DMXL1: variants seen among roughly 807,000 people sequenced by gnomAD.
DMXL1 encodes the protein dmX-like protein 1.
In DMXL1, 99 loss-of-function variants were observed where a neutral mutation model predicts 319.2. The observed-to-expected ratio is 0.31, with a 90% CI of 0.26 to 0.37. DMXL1 has a LOEUF of 0.37. Among genes scored for constraint, DMXL1 ranks in the 10% least tolerant of loss-of-function variants. DMXL1 has a pLI of 1.00. For synonymous variants in DMXL1, 1,385 were observed against 1,235.2 expected, an observed-to-expected ratio of 1.12 and a Z score of -2.54; for missense variants, 3,745 against 3,595.6, an observed-to-expected ratio of 1.04 and a Z score of -1.06.
chr5:119,110,383 G>A, intron 5 of DMXL1, 100 bp downstream of exon 5: 1 of 1,122,772 alleles, frequency 8.9e-7, no homozygotes, highest in South Asian at 2.1e-5. Context: ...GACATAAAAA[G>A]TATTGATTTT....
At chr5:119,077,855 A>G (rs992097671) in intron 1 of DMXL1, among the ~76,000 whole-genome samples, 2 of 133,842 alleles carry the variant, frequency 1.5e-5, no homozygotes, top group East Asian at 4.8e-4. Flanking sequence ...GTGTGTGTAT[A>G]TATACGTGTG....
intron 19 of DMXL1, among the ~76,000 whole-genome samples, chr5:119,162,983 T>C (rs1253763199): frequency 1.3e-5 from 2 of 152,190 alleles, no homozygotes; most frequent in Admixed American, 6.5e-5. Context: ...CTATAATTAA[T>C]CATTTACTTT....
At chr5:119,085,633 A>G (rs886252910) in intron 1 of DMXL1, among the ~76,000 whole-genome samples, 6 of 152,168 alleles carry the variant, frequency 3.9e-5, no homozygotes, top group Non-Finnish European at 8.8e-5. Flanking sequence ...ATCATTTGTG[A>G]ACAAGGCTAA....
intron 3 of DMXL1, chr5:119,104,160 T>G (rs558460168): frequency 3.3e-5 from 5 of 152,334 alleles, no homozygotes. Context: ...TCATGAGAGT[T>G]GCACATCACA....
intron 32 of DMXL1, among the ~76,000 whole-genome samples, chr5:119,202,722 G>T (rs992691860): frequency 6.6e-6 from 1 of 151,280 alleles, no homozygotes; most frequent in African/African-American, 2.4e-5. Context: ...ATGGTGGCAG[G>T]TGCCTGTAAT....
At chr5:119,167,525 G>A in intron 22 of DMXL1, 78 bp from the exon 23 acceptor site, 1 of 1,180,838 alleles carries the variant, frequency 8.5e-7, no homozygotes, top group South Asian at 1.5e-5. Flanking sequence ...TATTTTTCTA[G>A]TTATTAGTGA....
In DMXL1 at chr5:119,133,648, T is replaced by C. The variant is rs1765402932; in HGVS notation, c.1724T>C (p.Met575Thr). The change falls in exon 12 of 44, where the codon ATG (methionine) becomes ACG (threonine). Residue 575 changes from methionine (M) to threonine (T), a missense_variant. This residue lies in a region of DMXL1 where 2,096 missense variants were observed against 1,985.4 expected (regional missense o/e 1.06). Coordinates refer to ENST00000539542, the MANE Select transcript of DMXL1 (RefSeq NM_001290321.3). ...KPSGLTRSTS[M>T]LISSGHNKSS... ...TCTGGCCTCACCCGTTCCACATCAA[T>C]GCTTATTTCTTCTGGTCACAATAAA... The C allele has an allele frequency of 1.2e-6, 2 of 1,614,214 alleles. No homozygotes were observed. The highest frequency in any genetic ancestry group is 1.7e-6 in the Non-Finnish European group (2 of 1,180,022).
chr5:119,156,362 G>A (rs964843275), intron 19 of DMXL1, among the ~76,000 whole-genome samples: 3 of 152,216 alleles, frequency 2.0e-5, no homozygotes, highest in South Asian at 2.1e-4. Context: ...ACCATAGCTT[G>A]TATATGCACT....
chr5:119,087,202 A>G (rs1753572136), intron 1 of DMXL1, among the ~76,000 whole-genome samples: 1 of 150,640 alleles, frequency 6.6e-6, no homozygotes, highest in Admixed American at 6.6e-5. Flanking sequence ...TTCTTCATAC[A>G]AATTTGGGTT....
At chr5:119,098,164 C>A in intron 2 of DMXL1, 60 bp downstream of exon 2, 1 of 1,529,634 alleles carries the variant, frequency 6.5e-7, no homozygotes, top group South Asian at 1.2e-5. Context: ...TCAGGATAAT[C>A]TCTGAAGTGT....
intron 31 of DMXL1, 97 bp downstream of exon 31, chr5:119,196,553 A>G (rs373681571): frequency 4.9e-6 from 4 of 815,086 alleles, no homozygotes; most frequent in East Asian, 2.5e-5. Context: ...CTGGGGGGAA[A>G]ATTTAGTGAT....
intron 32 of DMXL1, among the ~76,000 whole-genome samples, chr5:119,202,891 A>ATATATATATT (rs1781045102): frequency 7.1e-6 from 1 of 139,962 alleles, no homozygotes; most frequent in African/African-American, 2.8e-5. Context: ...ATTTTTATAT[A>ATATATATATT]TATATATATA....
At chr5:119,089,462 C>T (rs1213523749) in intron 1 of DMXL1, among the ~76,000 whole-genome samples, 1 of 149,496 alleles carries the variant, frequency 6.7e-6, no homozygotes, top group Non-Finnish European at 1.5e-5. Flanking sequence ...CGCACCACCA[C>T]ACCCTGCTCA....
intron 34 of DMXL1, among the ~76,000 whole-genome samples, chr5:119,208,004 G>T (rs1355133837): frequency 2.0e-5 from 3 of 151,894 alleles, no homozygotes; most frequent in Admixed American, 6.6e-5. Flanking sequence ...ATAATTCTGT[G>T]CAATTAATTA....
chr5:119,189,350 C>T (rs1051772644), intron 28 of DMXL1, among the ~76,000 whole-genome samples: 2 of 152,026 alleles, frequency 1.3e-5, no homozygotes, highest in African/African-American at 4.8e-5. Context: ...CACTGACATC[C>T]CATGATAATC....
At position 119,178,005 on chromosome 5, in the gene DMXL1, G is replaced by C. The variant is rs965774672; in HGVS notation, c.6896G>C (p.Cys2299Ser). ...TTGTTTGTCGTTCTAGGAATAACTTGTCTAATTCGACTTTTGAATTCTTCT... is the reference window on the plus strand; with the variant it reads ...TTGTTTGTCGTTCTAGGAATAACTTCTCTAATTCGACTTTTGAATTCTTCT... ...TSPAQWPGIT[C>S]LIRLLNSSGE... The change falls in exon 28 of 44, where the codon TGT (cysteine) becomes TCT (serine). Residue 2299 changes from cysteine (C) to serine (S), a missense_variant. Transcript: ENST00000539542. The C allele has an allele frequency of 1.2e-6, 2 of 1,604,344 alleles. No individual in the cohort carries two copies. The highest frequency in any genetic ancestry group is 1.3e-5 in the African/African-American group (1 of 74,762).
chr5:119,232,710 G>T (rs914525337), intron 38 of DMXL1, among the ~76,000 whole-genome samples: 1 of 151,650 alleles, frequency 6.6e-6, no homozygotes, highest in Non-Finnish European at 1.5e-5. Flanking sequence ...GCAGTGGCAC[G>T]TGCCTATAAA....
In DMXL1 at chr5:119,242,333, C is replaced by A. The variant is rs150140745; in HGVS notation, c.8704+1862C>A. Among the ~76,000 whole-genome samples the A allele has an allele frequency of 2.7e-3, 418 of 152,222 alleles. 5 individuals carry two copies. The highest frequency in any genetic ancestry group is 3.5e-3 in the Non-Finnish European group (235 of 68,004). On this transcript the variant is annotated intron_variant, in intron 42 of 43. Transcript: ENST00000539542. ...TGCTTTTTGATGCATCAACAATGAACAATTGCAATTTGAAATTTAAAGAAT... is the reference window on the plus strand; with the variant it reads ...TGCTTTTTGATGCATCAACAATGAAAAATTGCAATTTGAAATTTAAAGAAT...
At chr5:119,186,516 A>G (rs1440170766) in intron 28 of DMXL1, among the ~76,000 whole-genome samples, 1 of 152,222 alleles carries the variant, frequency 6.6e-6, no homozygotes, top group African/African-American at 2.4e-5. Context: ...TGACATTTAA[A>G]TCTACATTCA....
Sources: allele counts gnomAD v4.1 joint callset (sites outside exome capture counted in the v4.1 genomes callset), GRCh38; gene constraint gnomAD v4.1.1; regional missense constraint gnomAD v4.1.1; transcripts MANE v1.5; gene names NCBI Gene and HGNC (gene_info 2026-07-23, HGNC 2026-07-21).